Variants in TBL1X observed in about 807,000 individuals in gnomAD.
The protein encoded by TBL1X is transducin beta like 1 X-linked, also known as F-box-like/WD repeat-containing protein TBL1X.
A neutral mutation model predicts 50.7 loss-of-function variants in TBL1X; 10 were observed. That is an observed-to-expected ratio of 0.20 (90% CI 0.12 to 0.33). The LOEUF is 0.33. TBL1X is among the 10% of genes least tolerant of loss of function. TBL1X has a pLI of 1.00. For synonymous variants in TBL1X, 190 were observed against 214.7 expected (o/e 0.88, Z 1.01); for missense variants, 340 against 504.4 (o/e 0.67, Z 3.12).
chrX:9,709,865 G>T, intron 15 of TBL1X, 105 bp downstream of exon 15: 1 of 1,032,256 alleles, frequency 9.7e-7, no homozygotes. Context: ...TTCAGAGGAA[G>T]CAAAGCGGTA....
intron 2 of TBL1X, among the ~76,000 whole-genome samples, chrX:9,530,642 C>G (rs187838160): frequency 3.6e-5 from 4 of 112,137 alleles, no homozygotes; most frequent in Admixed American, 1.9e-4. Context: ...TTACATGTTT[C>G]TTTTAAAATA....
At chrX:9,601,055 T>C (rs2082554045) in intron 2 of TBL1X, among the ~76,000 whole-genome samples, 1 of 111,842 alleles carries the variant, frequency 8.9e-6, no homozygotes. Context: ...AGTGTTCTAG[T>C]GTGTTACCTT....
At chrX:9,555,338 C>A (rs771249553) in intron 2 of TBL1X, among the ~76,000 whole-genome samples, 1 of 111,643 alleles carries the variant, frequency 9.0e-6, no homozygotes, top group Non-Finnish European at 1.9e-5. Context: ...TTCAGCCTCC[C>A]AAAGCCTTGG....
At chrX:9,692,456 G>A (rs758363606) in intron 9 of TBL1X, among the ~76,000 whole-genome samples, 1 of 112,025 alleles carries the variant, frequency 8.9e-6, no homozygotes, top group African/African-American at 3.2e-5. Flanking sequence ...TGCCCAGGCT[G>A]GAATGCAGTG....
chrX:9,604,435 C>G (rs1327450661), intron 2 of TBL1X, among the ~76,000 whole-genome samples: 1 of 110,365 alleles, frequency 9.1e-6, no homozygotes, highest in Non-Finnish European at 1.9e-5. Flanking sequence ...GGACTGCCAA[C>G]TGTTCTCTTA....
chrX:9,677,443 A>G (rs1228793001), intron 5 of TBL1X, among the ~76,000 whole-genome samples: 1 of 109,693 alleles, frequency 9.1e-6, no homozygotes, highest in Non-Finnish European at 1.9e-5. Context: ...GAGCTAGACC[A>G]ACAACCAAAG....
intron 2 of TBL1X, among the ~76,000 whole-genome samples, chrX:9,619,692 A>G (rs938106485): frequency 8.9e-6 from 1 of 112,426 alleles, no homozygotes; most frequent in Non-Finnish European, 1.9e-5. Context: ...CACTGAGTGA[A>G]ATGGGGCTGG....
chrX:9,624,662 GA>G (rs1298631990), intron 2 of TBL1X, among the ~76,000 whole-genome samples: 12 of 111,484 alleles, frequency 1.1e-4, no homozygotes, highest in Non-Finnish European at 2.1e-4. Context: ...TGTTTGAAGT[GA>G]TATTTGCATG....
chrX:9,643,313 A>G (rs1314747060), intron 3 of TBL1X, among the ~76,000 whole-genome samples: 1 of 111,171 alleles, frequency 9.0e-6, no homozygotes, highest in East Asian at 2.8e-4. Flanking sequence ...TAAATGTCAA[A>G]CGTGAGGAGA....
intron 5 of TBL1X, among the ~76,000 whole-genome samples, chrX:9,679,474 T>C (rs1601834366): frequency 9.0e-6 from 1 of 111,569 alleles, no homozygotes; most frequent in African/African-American, 3.3e-5. Flanking sequence ...TTCAGGAATG[T>C]CTCTAGGCTA....
intron 5 of TBL1X, among the ~76,000 whole-genome samples, chrX:9,674,019 T>C (rs1425809554): frequency 8.9e-6 from 1 of 112,009 alleles, no homozygotes; most frequent in Non-Finnish European, 1.9e-5. Context: ...TGAGCTGAGA[T>C]CGTGCACTTG....
At chrX:9,708,146 G>A (rs1265010016) in intron 13 of TBL1X, among the ~76,000 whole-genome samples, 3 of 111,803 alleles carry the variant, frequency 2.7e-5, no homozygotes, top group Non-Finnish European at 5.6e-5. Flanking sequence ...TTTCTCCTGG[G>A]TAGGCTGTTC....
intron 5 of TBL1X, among the ~76,000 whole-genome samples, chrX:9,670,713 G>T (rs760726553): frequency 3.6e-5 from 4 of 112,466 alleles, no homozygotes; most frequent in African/African-American, 9.7e-5. Flanking sequence ...TGCAAGACAC[G>T]TTTCCATGGA....
intron 1 of TBL1X, among the ~76,000 whole-genome samples, chrX:9,490,915 C>T (rs1453790412): frequency 2.7e-5 from 3 of 110,901 alleles, no homozygotes; most frequent in Non-Finnish European, 3.8e-5. Flanking sequence ...TGGCCTTTTG[C>T]CAGCTGTTTC....
chrX:9,569,964 C>T (rs1044953103), intron 2 of TBL1X, among the ~76,000 whole-genome samples: 1 of 112,019 alleles, frequency 8.9e-6, no homozygotes, highest in African/African-American at 3.2e-5. Context: ...ATTTGGCAGG[C>T]GTGGGGCGCA....
In TBL1X at chrX:9,615,134, T is replaced by G. The variant is rs2082633270; in HGVS notation, c.-130-25139T>G. ...ACATCACTCGCAGCTATAGATGGAA[T>G]GCTTTACCCCTTTTCTCCTGTGTTA... On this transcript the variant is annotated intron_variant, in intron 2 of 17. Transcript: ENST00000645353. Among the ~76,000 whole-genome samples the G allele has an allele frequency of 2.7e-5, 3 of 112,012 alleles. No individual in the cohort carries two copies. In the South Asian group the frequency reaches 1.1e-3, roughly 42 times the overall value.
chrX:9,709,908 G>A (rs752971043), intron 15 of TBL1X, 148 bp downstream of exon 15: 73 of 794,903 alleles, frequency 9.2e-5, no homozygotes, highest in Non-Finnish European at 1.2e-4. Flanking sequence ...TAGAATTACC[G>A]AGTAACACCT....
At chrX:9,714,333 G>T (rs1334376872) in intron 16 of TBL1X, among the ~76,000 whole-genome samples, 1 of 112,092 alleles carries the variant, frequency 8.9e-6, no homozygotes, top group African/African-American at 3.3e-5. Context: ...TGGGGTGGGT[G>T]TATTCATTAT....
chrX:9,512,699 A>G (rs1008845027), intron 2 of TBL1X, among the ~76,000 whole-genome samples: 2 of 110,647 alleles, frequency 1.8e-5, no homozygotes, highest in Non-Finnish European at 3.8e-5. Context: ...GGGTTTCACC[A>G]CGTTGGCCAG....
Sources: allele counts gnomAD v4.1 joint callset (sites outside exome capture counted in the v4.1 genomes callset), GRCh38; gene constraint gnomAD v4.1.1; transcripts MANE v1.5; gene names NCBI Gene and HGNC (gene_info 2026-07-23, HGNC 2026-07-21).